The following PDE4D variants were observed in gnomAD, a reference collection of about 807,000 sequenced individuals.
PDE4D encodes the protein phosphodiesterase 4D.
PDE4D carries 24 observed loss-of-function variants against 87.4 expected under a neutral mutation model. That is an observed-to-expected ratio of 0.27 (90% confidence interval 0.20 to 0.39). The LOEUF is 0.39. Among genes scored for constraint, PDE4D ranks in the 10% least tolerant of loss-of-function variants. The pLI, the probability that PDE4D is intolerant of heterozygous loss-of-function variation, is 1.00. For synonymous variants in PDE4D, 384 were observed against 383.2 expected (o/e 1.00, Z -0.02); for missense variants, 714 against 1,041.0 (o/e 0.69, Z 4.32).
At chr5:59,242,199 T>A (rs1164083527) in intron 1 of PDE4D, among the ~76,000 whole-genome samples, 1 of 152,164 alleles carries the variant, frequency 6.6e-6, no homozygotes, top group Non-Finnish European at 1.5e-5. Flanking sequence ...GAGTCTGTAG[T>A]GTGCTATGAT....
In PDE4D at chr5:60,095,514, T is replaced by C. The variant is rs554559218; in HGVS notation, c.42+90043A>G. Among the ~76,000 whole-genome samples, 29 of 152,290 alleles carry C rather than the reference T, an allele frequency of 1.9e-4. 1 individual carries two copies. The highest frequency in any genetic ancestry group is 6.0e-4 in the African/African-American group (25 of 41,540). On this transcript the variant is annotated intron_variant, in intron 2 of 16. Coordinates refer to the PDE4D transcript ENST00000502484. ...TGAAAAGTGCCGCAGTAAACAGACA[T>C]ATGCATGTGTCTTTATAGGAGAATT...
chr5:60,083,997 T>G (rs1404434068), intron 2 of PDE4D, among the ~76,000 whole-genome samples: 2 of 152,196 alleles, frequency 1.3e-5, no homozygotes, highest in Non-Finnish European at 2.9e-5. Context: ...CATTGTAAAT[T>G]GCGAACTGAG....
rs775757983 is a variant in PDE4D at position 58,975,614 on chromosome 5, G to A, written c.2013+43C>T. ...ATACAAAGTAACCAAATGCTAAAGC[G>A]GTAGCTCTGTTCTCTCTGAAAGCTA... On this transcript the variant is annotated intron_variant, in intron 14 of 14. Transcript: ENST00000340635. The surrounding 1 kb of genome is among the most constrained non-coding windows in gnomAD (Gnocchi z 4.2). The A allele has an allele frequency of 4.3e-6, 6 of 1,391,360 alleles. No homozygotes were observed. The highest frequency in any genetic ancestry group is 3.6e-5 in the South Asian group (2 of 55,892). 86.2% of individuals were successfully genotyped at this position (1,391,360 alleles called of 1,614,324 possible).
intron 1 of PDE4D, among the ~76,000 whole-genome samples, chr5:60,475,455 C>T (rs1268572379): frequency 6.6e-6 from 1 of 152,084 alleles, no homozygotes; most frequent in Non-Finnish European, 1.5e-5. Flanking sequence ...AAGGTCTGGA[C>T]ATTGGGAAAC....
chr5:59,080,484 A>G (rs1335743636), intron 5 of PDE4D, among the ~76,000 whole-genome samples: 1 of 152,140 alleles, frequency 6.6e-6, no homozygotes, highest in Non-Finnish European at 1.5e-5. Flanking sequence ...TGTTCTCCAG[A>G]ATGCTCACCA....
chr5:59,400,379 T>C (rs1010812097), intron 1 of PDE4D, among the ~76,000 whole-genome samples: 3 of 143,098 alleles, frequency 2.1e-5, no homozygotes, highest in Non-Finnish European at 4.5e-5. Context: ...GTGGCACATA[T>C]GCACCATGGA....
chr5:60,230,916 G>C (rs1420585590), intron 1 of PDE4D, among the ~76,000 whole-genome samples: 1 of 152,006 alleles, frequency 6.6e-6, no homozygotes, highest in Admixed American at 6.6e-5. Context: ...CCTTAGTTCT[G>C]GCAGGAACAG....
intron 1 of PDE4D, among the ~76,000 whole-genome samples, chr5:59,418,066 T>C (rs990122686): frequency 7.2e-4 from 110 of 152,328 alleles, no homozygotes; most frequent in Admixed American, 7.2e-3. Context: ...CCTTATTACC[T>C]GCAAAGCAAA....
At chr5:59,471,038 T>C (rs1802356983) in intron 1 of PDE4D, among the ~76,000 whole-genome samples, 1 of 152,106 alleles carries the variant, frequency 6.6e-6, no homozygotes, top group African/African-American at 2.4e-5. Flanking sequence ...GCCCAGCAGT[T>C]TGAGACCAGG....
chr5:59,432,051 A>AT (rs1026588164), intron 1 of PDE4D, among the ~76,000 whole-genome samples: 3 of 152,016 alleles, frequency 2.0e-5, no homozygotes, highest in Middle Eastern at 3.2e-3. Flanking sequence ...TATACATGCT[A>AT]TTTTTTTAAC....
intron 2 of PDE4D, among the ~76,000 whole-genome samples, chr5:60,152,410 T>C (rs1456934274): frequency 6.6e-6 from 1 of 151,946 alleles, no homozygotes; most frequent in Admixed American, 6.6e-5. Flanking sequence ...TCCCAGTACT[T>C]TGGGAGGCTG....
At chr5:59,330,801 C>T (rs1441955362) in intron 1 of PDE4D, among the ~76,000 whole-genome samples, 2 of 152,158 alleles carry the variant, frequency 1.3e-5, no homozygotes, top group Non-Finnish European at 2.9e-5. Flanking sequence ...AACTCATTGG[C>T]TGGTTGTCTC....
intron 3 of PDE4D, among the ~76,000 whole-genome samples, chr5:59,975,040 C>T (rs1761162610): frequency 1.3e-5 from 2 of 152,156 alleles, no homozygotes. Context: ...GAAATGGGTG[C>T]TCTCCTGGTT....
At chr5:59,039,410 T>A (rs927600836) in intron 5 of PDE4D, 38 of 998,196 alleles carry the variant, frequency 3.8e-5, no homozygotes, top group Non-Finnish European at 4.4e-5. Flanking sequence ...ATCTCCTCGG[T>A]CCCCAACCCG....
At chr5:59,922,821 G>T (rs976667305) in intron 3 of PDE4D, among the ~76,000 whole-genome samples, 8 of 151,850 alleles carry the variant, frequency 5.3e-5, no homozygotes, top group African/African-American at 1.7e-4. Context: ...CTTGAGAAAA[G>T]GAGAAAGAAG....
intron 1 of PDE4D, among the ~76,000 whole-genome samples, chr5:59,356,124 G>A (rs1031392140): frequency 1.3e-5 from 2 of 152,088 alleles, no homozygotes; most frequent in Non-Finnish European, 2.9e-5. Context: ...CTCAAATGAA[G>A]AAGGAAATCC....
intron 11 of PDE4D, among the ~76,000 whole-genome samples, chr5:58,985,677 A>C (rs1439238453): frequency 3.3e-5 from 5 of 152,206 alleles, no homozygotes; most frequent in Non-Finnish European, 7.4e-5. Context: ...TTTGGACAGG[A>C]TGGCAGCTCC....
intron 1 of PDE4D, among the ~76,000 whole-genome samples, chr5:59,487,756 A>G (rs1287852425): frequency 6.6e-6 from 1 of 152,118 alleles, no homozygotes; most frequent in East Asian, 1.9e-4. Context: ...GTTTCAAAGC[A>G]ACCTCTGAAT....
intron 2 of PDE4D, among the ~76,000 whole-genome samples, chr5:60,111,238 T>C (rs1030390266): frequency 3.9e-5 from 6 of 152,014 alleles, no homozygotes; most frequent in Admixed American, 6.6e-5. Context: ...CATTACACAT[T>C]GTATACGCAT....
Sources: allele counts gnomAD v4.1 joint callset (sites outside exome capture counted in the v4.1 genomes callset), GRCh38; gene constraint gnomAD v4.1.1; non-coding constraint Gnocchi (gnomAD v3.1); transcripts MANE v1.5; gene names NCBI Gene and HGNC (gene_info 2026-07-23, HGNC 2026-07-21).